Variants in COL25A1 observed in about 807,000 individuals in gnomAD.
COL25A1 encodes collagen type XXV alpha 1 chain.
In COL25A1, 103 loss-of-function variants were observed where a neutral mutation model predicts 128.4. The observed-to-expected ratio is 0.80, with a 90% CI of 0.68 to 0.94. The LOEUF is 0.94. Ranked by LOEUF, COL25A1 falls within the 40% of genes least tolerant of loss-of-function variation. The pLI, the probability that COL25A1 is intolerant of heterozygous loss-of-function variation, is 0.00. For synonymous variants in COL25A1, 279 were observed against 277.2 expected, an observed-to-expected ratio of 1.01 and a Z score of -0.06; for missense variants, 745 against 840.0, an observed-to-expected ratio of 0.89 and a Z score of 1.40.
At chr4:108,967,241 CAATT>C (rs1177726548) in intron 8 of COL25A1, among the ~76,000 whole-genome samples, 4 of 152,282 alleles carry the variant, frequency 2.6e-5, no homozygotes, top group Non-Finnish European at 5.9e-5. Flanking sequence ...TTTAGGAACT[CAATT>C]AAAGTATCCT....
At chr4:109,069,773 C>G (rs1762757763) in intron 3 of COL25A1, among the ~76,000 whole-genome samples, 1 of 152,116 alleles carries the variant, frequency 6.6e-6, no homozygotes, top group Admixed American at 6.6e-5. Flanking sequence ...TGGAGAAAAT[C>G]ATGAGAACTG....
At chr4:109,051,689 T>C (rs1761011570) in intron 3 of COL25A1, among the ~76,000 whole-genome samples, 1 of 150,920 alleles carries the variant, frequency 6.6e-6, no homozygotes, top group Non-Finnish European at 1.5e-5. Flanking sequence ...AGACTAAGAA[T>C]TATATTTTTT....
rs893426694 is a variant in COL25A1 at position 108,809,417 on chromosome 4, T to C, written c.*4510A>G. 2.0e-5 allele frequency: 3 copies of C among 152,114 alleles called. No individual in the cohort carries two copies. The highest frequency in any genetic ancestry group is 2.1e-4 in the South Asian group (1 of 4,834). The allele number at this position is 152,114 out of a possible 1,614,324, so 9.4% of individuals were successfully genotyped here. On this transcript the variant is annotated 3_prime_UTR_variant, in exon 38 of 38. Coordinates refer to ENST00000399132, the MANE Select transcript of COL25A1 (RefSeq NM_198721.4). The stretch of plus-strand genomic sequence containing the variant: ...TGTCAACAGTATGTAAGACATTCTT[T>C]TGTGAATCCAATTCGTTAATATTTC...
intron 3 of COL25A1, among the ~76,000 whole-genome samples, chr4:109,292,794 T>C (rs552300175): frequency 1.3e-5 from 2 of 152,184 alleles, no homozygotes; most frequent in Admixed American, 1.3e-4. Context: ...ATAACCATCC[T>C]GAGAAAAGCA....
At chr4:109,204,765 G>GT (rs1776845499) in intron 3 of COL25A1, among the ~76,000 whole-genome samples, 6 of 152,102 alleles carry the variant, frequency 3.9e-5, no homozygotes, top group Admixed American at 3.3e-4. Flanking sequence ...TGTTAAAGGT[G>GT]TTACAATACC....
chr4:109,061,854 T>C (rs1762001906), intron 3 of COL25A1, among the ~76,000 whole-genome samples: 1 of 152,128 alleles, frequency 6.6e-6, no homozygotes, highest in Non-Finnish European at 1.5e-5. Flanking sequence ...CCCATATGAT[T>C]TCATAATAAT....
intron 3 of COL25A1, among the ~76,000 whole-genome samples, chr4:109,084,450 G>A (rs2125999019): frequency 6.6e-6 from 1 of 152,260 alleles, no homozygotes; most frequent in Admixed American, 6.5e-5. Context: ...GCAACATAAA[G>A]TAGAAAGAAC....
rs1732240933 is a variant in COL25A1 at position 108,825,313 on chromosome 4, A to G, written c.1765-91T>C. On this transcript the variant is annotated intron_variant, in intron 33 of 37. Coordinates refer to ENST00000399132, the MANE Select transcript of COL25A1 (RefSeq NM_198721.4). ...TAAGGCTGTCTGAACATGCAACACT[A>G]GTACTAGAACAACTACTTCAGAAAT... 5.3e-6 allele frequency: 5 copies of G among 940,132 alleles called. No homozygotes were observed. In the Admixed American group the frequency reaches 7.1e-5, roughly 13 times the overall value. The allele number at this position is 940,132 out of a possible 1,614,324, so 58.2% of individuals were successfully genotyped here.
At chr4:108,977,018 G>A (rs1752504243) in intron 6 of COL25A1, among the ~76,000 whole-genome samples, 2 of 152,164 alleles carry the variant, frequency 1.3e-5, no homozygotes, top group Admixed American at 1.3e-4. Flanking sequence ...AGTTAGAAAG[G>A]ACTTTAACCC....
intron 25 of COL25A1, among the ~76,000 whole-genome samples, chr4:108,852,676 A>T (rs1735931315): frequency 6.6e-6 from 1 of 152,182 alleles, no homozygotes; most frequent in Non-Finnish European, 1.5e-5. Context: ...TATTGTTCAG[A>T]TAAGGCCAGA....
intron 3 of COL25A1, among the ~76,000 whole-genome samples, chr4:109,140,394 G>T (rs1770279756): frequency 6.6e-6 from 1 of 152,158 alleles, no homozygotes; most frequent in African/African-American, 2.4e-5. Context: ...TTTTGGCTTA[G>T]GATTGTCTTG....
intron 3 of COL25A1, among the ~76,000 whole-genome samples, chr4:109,054,522 T>C (rs1761285098): frequency 6.6e-6 from 1 of 152,236 alleles, no homozygotes; most frequent in South Asian, 2.1e-4. Context: ...ATAAGAATAG[T>C]AAGCTTTTTA....
chr4:109,042,914 GA>G (rs1281879894), intron 5 of COL25A1, among the ~76,000 whole-genome samples: 2 of 152,086 alleles, frequency 1.3e-5, no homozygotes, highest in Non-Finnish European at 2.9e-5. Flanking sequence ...AGCTTAATAT[GA>G]ACCATACACG....
intron 3 of COL25A1, among the ~76,000 whole-genome samples, chr4:109,061,093 T>C (rs1216906354): frequency 6.6e-6 from 1 of 152,174 alleles, no homozygotes; most frequent in Non-Finnish European, 1.5e-5. Flanking sequence ...GGTTTTCTCC[T>C]ATCTAACAAA....
chr4:108,969,140 G>A (rs1751640916), intron 8 of COL25A1, among the ~76,000 whole-genome samples: 1 of 152,092 alleles, frequency 6.6e-6, no homozygotes, highest in African/African-American at 2.4e-5. Context: ...TTCCCTCTTT[G>A]TCTACTCAGG....
In COL25A1 at chr4:108,838,251, T is replaced by G. The variant is rs1194631115; in HGVS notation, c.1656+3444A>C. The G allele has an allele frequency of 3.9e-6, 4 of 1,018,318 alleles. No homozygotes were observed. In the East Asian group the frequency reaches 1.0e-4, roughly 27 times the overall value. 63.1% of individuals were successfully genotyped at this position (1,018,318 alleles called of 1,614,324 possible). ...AAACTGTGAGAGAAGAGAGCCAGTC[T>G]CTGAAATAGTTGCAGATTCCAGTTT... On this transcript the variant is annotated intron_variant, in intron 31 of 37. Transcript: ENST00000399132.
rs553075430 is a variant in COL25A1, at chr4:108,954,421, C to T, written c.493-12984G>A. ...TTAATTCTTAAAAGTGATATTTATT[C>T]GCACATATAATTTACTCGAAATAAC... On this transcript the variant is annotated intron_variant, in intron 8 of 37. Coordinates refer to ENST00000399132, the MANE Select transcript of COL25A1 (RefSeq NM_198721.4). Among the ~76,000 whole-genome samples, 13 of 151,884 alleles carry T rather than the reference C, an allele frequency of 8.6e-5. No homozygotes were observed. In the South Asian group the frequency reaches 1.5e-3, roughly 17 times the overall value.
intron 3 of COL25A1, among the ~76,000 whole-genome samples, chr4:109,127,012 G>C (rs1392262478): frequency 6.6e-6 from 1 of 151,940 alleles, no homozygotes; most frequent in Non-Finnish European, 1.5e-5. Context: ...ATAACAGATG[G>C]GAACAATAAC....
In COL25A1 at chr4:109,198,539, C is replaced by T. The variant is rs180963414; in HGVS notation, c.367+102044G>A. 1.8e-3 allele frequency among the ~76,000 whole-genome samples: 275 copies of T among 152,226 alleles called. 5 individuals carry two copies. In the Middle Eastern group the frequency reaches 0.044, roughly 24 times the overall value. ...GTAAAACTCATTGAACAATCAAATC[C>T]TAGAGAAAGCCTCTTGAAAAGTCTG... On this transcript the variant is annotated intron_variant, in intron 3 of 37. Coordinates refer to ENST00000399132, the MANE Select transcript of COL25A1 (RefSeq NM_198721.4).
Sources: gnomAD v4.1 joint callset for allele counts (sites outside exome capture counted in the v4.1 genomes callset) on GRCh38, gnomAD v4.1.1 for gene constraint, MANE v1.5 for transcripts, NCBI Gene and HGNC (gene_info 2026-07-23, HGNC 2026-07-21) for gene names.